PRMT2: variants seen among roughly 807,000 people sequenced by gnomAD.
PRMT2 encodes the protein protein arginine N-methyltransferase 2.
In PRMT2, 26 loss-of-function variants were observed where a neutral mutation model predicts 57.6. The ratio of observed to expected loss-of-function variants is 0.45; its 90% CI spans 0.33 to 0.63. The LOEUF (loss-of-function observed/expected upper bound fraction) is 0.63. Ranked by LOEUF, PRMT2 falls within the 20% of genes least tolerant of loss-of-function variation. The pLI, the probability that PRMT2 is intolerant of heterozygous loss-of-function variation, is 0.02. For missense variants in PRMT2, 472 were observed against 564.4 expected, an observed-to-expected ratio of 0.84 and a Z score of 1.66; for synonymous variants, 219 against 220.0, an observed-to-expected ratio of 1.00 and a Z score of 0.04.
rs572561521 is a variant in PRMT2 at position 46,663,593 on chromosome 21, C to T, written c.1269+39C>T. 2.1e-5 allele frequency: 33 copies of T among 1,594,212 alleles called. No individual in the cohort carries two copies. The South Asian group carries it at 2.4e-4, about 11-fold the overall frequency. On this transcript the variant is annotated intron_variant, in intron 11 of 11. Coordinates refer to ENST00000355680, the MANE Select transcript of PRMT2 (RefSeq NM_206962.4). Reference sequence around the variant, plus strand: ...TTGTAAGATTCTGTCCTGTGGGTGCCGGTCCTCAGGGAGACAGGCCTGGGT... The same window carrying T: ...TTGTAAGATTCTGTCCTGTGGGTGCTGGTCCTCAGGGAGACAGGCCTGGGT...
intron 4 of PRMT2, 112 bp downstream of exon 4, chr21:46,643,751 T>C: frequency 7.7e-7 from 1 of 1,298,946 alleles, no homozygotes; most frequent in South Asian, 1.6e-5. Flanking sequence ...TTCAGATGCG[T>C]AGGGCCACAC....
At chr21:46,659,040 A>T (rs961700320) in intron 8 of PRMT2, 120 bp downstream of exon 8, 1 of 1,457,442 alleles carries the variant, frequency 6.9e-7, no homozygotes, top group South Asian at 1.4e-5. Context: ...GTACCTGTGC[A>T]CCCAGATAGG....
chr21:46,659,993 A>G, intron 8 of PRMT2: 1 of 983,718 alleles, frequency 1.0e-6, no homozygotes. Context: ...AAAAATAAGT[A>G]TATCACAATG....
chr21:46,653,224 C>T (rs1368002956), intron 7 of PRMT2: 1 of 985,370 alleles, frequency 1.0e-6, no homozygotes, highest in Non-Finnish European at 1.2e-6. Context: ...TAATTCTCTT[C>T]ACACAGCCTT....
At chr21:46,655,398 G>T (rs2061526742) in intron 7 of PRMT2, among the ~76,000 whole-genome samples, 1 of 152,134 alleles carries the variant, frequency 6.6e-6, no homozygotes, top group Non-Finnish European at 1.5e-5. Context: ...TGCAAGGCTG[G>T]TTCAATATTT....
Position 46,649,373 on chromosome 21 carries a change from A to C in PRMT2, c.490-202A>C. On this transcript the variant is annotated intron_variant, in intron 6 of 11. Coordinates refer to ENST00000355680, the MANE Select transcript of PRMT2 (RefSeq NM_206962.4). The surrounding 1 kb of genome is among the most constrained non-coding windows in gnomAD (Gnocchi z 4.8). The stretch of plus-strand genomic sequence containing the variant: ...TGTGTCTTGTCCGGGAGGTGGGGGC[A>C]GTTGGGAGGGTTAGAGGCGGCTCCT... 1 of 738,596 alleles carries C rather than the reference A, an allele frequency of 1.4e-6. No individual in the cohort carries two copies. The highest frequency in any genetic ancestry group is 2.3e-6 in the Non-Finnish European group (1 of 429,676). The allele number at this position is 738,596 out of a possible 1,614,324, so 45.8% of individuals were successfully genotyped here. A position where few individuals can be genotyped will look rare whatever the true frequency, so the allele number is the denominator to read the frequency against.
At chr21:46,640,438 A>ATTTTTTTTTT (rs61531632) in intron 3 of PRMT2, among the ~76,000 whole-genome samples, 1 of 116,482 alleles carries the variant, frequency 8.6e-6, no homozygotes. Context: ...TTTTGCCTAC[A>ATTTTTTTTTT]TTTTTTTTTT....
At chr21:46,645,960 T>C (rs2061358677) in intron 5 of PRMT2, among the ~76,000 whole-genome samples, 1 of 152,174 alleles carries the variant, frequency 6.6e-6, no homozygotes, top group South Asian at 2.1e-4. Flanking sequence ...GTGATCCTCC[T>C]GTCTCAGCCT....
At chr21:46,651,089 C>T (rs2061442841) in intron 7 of PRMT2, among the ~76,000 whole-genome samples, 1 of 152,188 alleles carries the variant, frequency 6.6e-6, no homozygotes, top group Admixed American at 6.5e-5. Flanking sequence ...GGTCCAGCCC[C>T]AGCATGCAGA....
At chr21:46,663,695 A>G (rs2061664179) in intron 11 of PRMT2, 141 bp downstream of exon 11, 1 of 852,242 alleles carries the variant, frequency 1.2e-6, no homozygotes, top group African/African-American at 1.7e-5. Flanking sequence ...CCTTACACAG[A>G]AAGCGCCTGT....
chr21:46,650,537 C>T (rs751085582), intron 7 of PRMT2, among the ~76,000 whole-genome samples: 1 of 152,190 alleles, frequency 6.6e-6, no homozygotes, highest in Non-Finnish European at 1.5e-5. Flanking sequence ...TGTGACTTGG[C>T]TTATTAATAA....
intron 5 of PRMT2, among the ~76,000 whole-genome samples, chr21:46,644,731 A>T (rs993587997): frequency 6.6e-6 from 1 of 152,172 alleles, no homozygotes; most frequent in African/African-American, 2.4e-5. Flanking sequence ...TACAGTTTTC[A>T]TGTGTCACAA....
chr21:46,655,485 T>C (rs536795181), intron 7 of PRMT2, among the ~76,000 whole-genome samples: 18 of 151,954 alleles, frequency 1.2e-4, no homozygotes, highest in Non-Finnish European at 2.1e-4. Context: ...CAGAAAAAAA[T>C]TGACAAAATT....
chr21:46,652,778 C>G (rs879226713), intron 7 of PRMT2: 2 of 1,207,516 alleles, frequency 1.7e-6, no homozygotes, highest in South Asian at 1.5e-5. Flanking sequence ...AGATTGTCAA[C>G]AGACCATTTA....
At position 46,643,949 on chromosome 21, in the gene PRMT2, C is replaced by T. The variant is rs147556618; in HGVS notation, c.144+310C>T. Among the ~76,000 whole-genome samples the T allele has an allele frequency of 3.4e-3, 519 of 152,298 alleles. 4 individuals carry two copies. The highest frequency in any genetic ancestry group is 0.012 in the African/African-American group (491 of 41,556). On this transcript the variant is annotated intron_variant, in intron 4 of 11. Transcript: ENST00000355680. ...ATATATCAAGCTATATCTGCTTGGA[C>T]ATAGCTTTGTTTACTTTGTGACAGG...
intron 7 of PRMT2, chr21:46,653,182 C>A (rs951912455): frequency 1.0e-6 from 1 of 985,296 alleles, no homozygotes; most frequent in African/African-American, 1.7e-5. Context: ...GCAAAAGAAA[C>A]AAAGTAACTG....
chr21:46,635,984 C>A, intron 1 of PRMT2: 1 of 152,816 alleles, frequency 6.5e-6, no homozygotes, highest in Non-Finnish European at 1.5e-5. Context: ...CCCTTCCCGG[C>A]CACTCCCGCC....
At position 46,658,916 on chromosome 21, in the gene PRMT2, C is replaced by CT. The variant is rs1569163258; in HGVS notation, c.827dup (p.Lys277GlufsTer6). On this transcript the variant is annotated frameshift_variant, in exon 8 of 12. Transcript: ENST00000355680. LOFTEE classifies it high-confidence loss of function. Reference sequence around the variant, plus strand: ...CGCGTACGAGTTCAACCTCAGCGCTCTGAAGTAAGTGTCCACAGCTGGGAC... The same window carrying CT: ...CGCGTACGAGTTCAACCTCAGCGCTCTTGAAGTAAGTGTCCACAGCTGGGAC... 6.2e-7 allele frequency: 1 copy of CT among 1,613,050 alleles called. No individual in the cohort carries two copies.
At chr21:46,643,895 A>G (rs2061322716) in intron 4 of PRMT2, among the ~76,000 whole-genome samples, 1 of 152,190 alleles carries the variant, frequency 6.6e-6, no homozygotes. Flanking sequence ...TGTAGAACCC[A>G]CCCAGTTAAT....
Sources: allele counts gnomAD v4.1 joint callset (sites outside exome capture counted in the v4.1 genomes callset), GRCh38; gene constraint gnomAD v4.1.1; non-coding constraint Gnocchi (gnomAD v3.1); transcripts MANE v1.5; gene names NCBI Gene and HGNC (gene_info 2026-07-23, HGNC 2026-07-21).